Variants in NCR3 observed in about 807,000 individuals in gnomAD.
NCR3 encodes the protein natural cytotoxicity triggering receptor 3.
A neutral mutation model predicts 16.1 loss-of-function variants in NCR3; 13 were observed. The observed-to-expected ratio is 0.81, with a 90% confidence interval of 0.53 to 1.28. NCR3 has a LOEUF of 1.28. Ranked by LOEUF, NCR3 falls within the 50% of genes most tolerant of loss-of-function variation. NCR3 has a pLI of 0.00. For missense variants in NCR3, 202 were observed against 256.8 expected, an observed-to-expected ratio of 0.79 and a Z score of 1.46; for synonymous variants, 98 against 106.6, an observed-to-expected ratio of 0.92 and a Z score of 0.50.
At position 31,589,942 on chromosome 6, in the gene NCR3, G is replaced by A; in HGVS notation, c.228C>T (p.Arg76=). ...VRNGTPEFRG[R]LAPLASSRFL... The stretch of plus-strand genomic sequence containing the variant: ...AACGGGAAGAAGCAAGTGGGGCCAG[G>A]CGGCCCCTGAACTCTGGGGTTCCAT... Residue 76 remains arginine, a synonymous_variant, in exon 2 of 4, where the codon CGC becomes CGT. Coordinates refer to ENST00000340027, the MANE Select transcript of NCR3 (RefSeq NM_147130.3). This position sits in a 1 kb window ranked among gnomAD's most constrained non-coding sequence, Gnocchi z 4.8. The A allele has an allele frequency of 6.2e-7, 1 of 1,613,118 alleles. No homozygotes were observed. The highest frequency in any genetic ancestry group is 1.6e-4 in the Middle Eastern group (1 of 6,062).
chr6:31,591,275 T>C (rs1562507862), intron 1 of NCR3, among the ~76,000 whole-genome samples: 1 of 152,392 alleles, frequency 6.6e-6, no homozygotes, highest in Non-Finnish European at 1.5e-5. Context: ...TTAAAATCCC[T>C]GATTAAATTA....
In NCR3 at chr6:31,589,257, G is replaced by C; in HGVS notation, c.497-81C>G. 1 of 1,560,572 alleles carries C rather than the reference G, an allele frequency of 6.4e-7. No homozygotes were observed. The highest frequency in any genetic ancestry group is 8.7e-7 in the Non-Finnish European group (1 of 1,151,522). ...CTGGAGAATGGAGAAGAAAACACTTGAGACTCATGAGGAGTTAGTGGTGGG... is the reference window on the plus strand; with the variant it reads ...CTGGAGAATGGAGAAGAAAACACTTCAGACTCATGAGGAGTTAGTGGTGGG... On this transcript the variant is annotated intron_variant, in intron 3 of 3. Coordinates refer to ENST00000340027, the MANE Select transcript of NCR3 (RefSeq NM_147130.3). This position sits in a 1 kb window ranked among gnomAD's most constrained non-coding sequence, Gnocchi z 4.8.
intron 1 of NCR3, among the ~76,000 whole-genome samples, chr6:31,590,641 A>T (rs533648038): frequency 1.8e-4 from 27 of 152,208 alleles, no homozygotes; most frequent in African/African-American, 6.5e-4. Flanking sequence ...AATTCTTCCT[A>T]TACCAACTCT....
In NCR3 at chr6:31,589,074, C is replaced by G; in HGVS notation, c.599G>C (p.Gly200Ala). 1 of 1,585,740 alleles carries G rather than the reference C, an allele frequency of 6.3e-7. No individual in the cohort carries two copies. The highest frequency in any genetic ancestry group is 1.1e-5 in the South Asian group (1 of 87,100). Residue 200 changes from glycine to alanine, a missense_variant, in exon 4 of 4, where the codon GGA becomes GCA. By Grantham distance (60) the Gly-to-Ala change is moderately conservative. Coordinates refer to ENST00000340027, the MANE Select transcript of NCR3 (RefSeq NM_147130.3). This position sits in a 1 kb window ranked among gnomAD's most constrained non-coding sequence, Gnocchi z 4.8. Reference sequence around the variant, plus strand: ...TTCTCAGGACAATCAGGCTCAGCCTCCTGGGACTGGGGGAAGCAGATGTGC... The same window carrying G: ...TTCTCAGGACAATCAGGCTCAGCCTGCTGGGACTGGGGGAAGCAGATGTGC... ...SSAHLLPPVP[G>A]G
chr6:31,592,113 G>C lies in NCR3; in HGVS notation c.43+566C>G, dbSNP rs72502597. 7.4e-4 allele frequency among the ~76,000 whole-genome samples: 113 copies of C among 152,180 alleles called. 2 individuals carry two copies. In the East Asian group the frequency reaches 0.021, roughly 29 times the overall value. Reference sequence around the variant, plus strand: ...AAAAATACAAAAATTAGTTGGGTGTGGTGGTGCGCGCTTGTAATCCCAGCT... The same window carrying C: ...AAAAATACAAAAATTAGTTGGGTGTCGTGGTGCGCGCTTGTAATCCCAGCT... On this transcript the variant is annotated intron_variant, in intron 1 of 3. Coordinates refer to ENST00000340027, the MANE Select transcript of NCR3 (RefSeq NM_147130.3).
chr6:31,592,535 C>T (rs1772709355), intron 1 of NCR3, 144 bp downstream of exon 1: 6 of 785,402 alleles, frequency 7.6e-6, no homozygotes, highest in Non-Finnish European at 1.3e-5. Context: ...CACTGAGTGT[C>T]ACCTTTGGAG....
At chr6:31,590,157 C>A in intron 1 of NCR3, 31 bp from the exon 2 acceptor site, 3 of 1,555,272 alleles carry the variant, frequency 1.9e-6, no homozygotes, top group Non-Finnish European at 2.6e-6. Context: ...CAGAGAAACA[C>A]CTCCCCAGTT....
chr6:31,592,539 T>C, intron 1 of NCR3, 140 bp downstream of exon 1: 1 of 832,590 alleles, frequency 1.2e-6, no homozygotes, highest in Admixed American at 2.1e-5. Context: ...GAGTGTCACC[T>C]TTGGAGCAGT....
In NCR3 at chr6:31,589,896, C is replaced by T. The variant is rs774215092; in HGVS notation, c.274G>A (p.Glu92Lys). Residue 92 changes from glutamate (E) to lysine (K), a missense_variant, in exon 2 of 4, where the codon GAG becomes AAG. Transcript: ENST00000340027. This position sits in a 1 kb window ranked among gnomAD's most constrained non-coding sequence, Gnocchi z 4.8. ...SSRFLHDHQA[E>K]LHIRDVRGHD... is the part of the protein sequence containing the mutation. The stretch of plus-strand genomic sequence containing the variant: ...CCTCGCACGTCCCGGATGTGCAGCT[C>T]AGCCTGGTGGTCATGGAGGAAACGG... 3.0e-5 allele frequency: 48 copies of T among 1,613,060 alleles called. No homozygotes were observed. Among genetic ancestry groups the T allele is most frequent in the Non-Finnish European group, 3.7e-5 (44 of 1,180,056 alleles).
intron 1 of NCR3, among the ~76,000 whole-genome samples, chr6:31,591,328 T>C (rs1772618638): frequency 6.6e-6 from 1 of 152,242 alleles, no homozygotes; most frequent in Non-Finnish European, 1.5e-5. Flanking sequence ...TCAGTGGTTC[T>C]CAAACTTGAG....
rs570553048 is a variant in NCR3, at chr6:31,589,787, T to C, written c.383A>G (p.Glu128Gly). 1.2e-6 allele frequency: 2 copies of C among 1,609,398 alleles called. No individual in the cohort carries two copies. The highest frequency in any genetic ancestry group is 1.1e-5 in the South Asian group (1 of 90,916). ...ACCACCTCCCAGCATCTCACCTTTC[T>C]CCACCACCAGCCGAGTCCCATTCCC... ...GTGNGTRLVVEKEHPQLGAGT... is the reference protein window; with the variant it reads ...GTGNGTRLVVGKEHPQLGAGT... The change falls in exon 2 of 4, where the codon GAG (glutamate) becomes GGG (glycine). Residue 128 changes from glutamate to glycine, a missense_variant. Transcript: ENST00000340027. The surrounding 1 kb of genome is among the most constrained non-coding windows in gnomAD (Gnocchi z 4.8).
chr6:31,590,061 G>A lies in NCR3; in HGVS notation c.109C>T (p.Leu37=), dbSNP rs1772500942. 1 of 1,612,912 alleles carries A rather than the reference G, an allele frequency of 6.2e-7. No homozygotes were observed. The highest frequency in any genetic ancestry group is 1.3e-5 in the African/African-American group (1 of 74,928). The change falls in exon 2 of 4, where the codon CTG becomes TTG. Residue 37 remains leucine, a synonymous_variant. Coordinates refer to ENST00000340027, the MANE Select transcript of NCR3 (RefSeq NM_147130.3). ...TGGCTGGCATTGAAGGAGCAGGGCA[G>A]GAAGGCAGAGGATCCTTCCAGGGTA... ...IRTLEGSSAF[L]PCSFNASQGR...
At chr6:31,590,224 C>A in intron 1 of NCR3, 98 bp from the exon 2 acceptor site, 12 of 1,013,850 alleles carry the variant, frequency 1.2e-5, no homozygotes, top group Non-Finnish European at 1.7e-5. Flanking sequence ...TTTCTCCAGG[C>A]ATAGGGTGCA....
chr6:31,591,882 G>C (rs551347420), intron 1 of NCR3, among the ~76,000 whole-genome samples: 3 of 152,148 alleles, frequency 2.0e-5, no homozygotes, highest in East Asian at 3.9e-4. Context: ...TTGGGAGACC[G>C]AGGCAGGCAG....
In NCR3 at chr6:31,589,435, C is replaced by A; in HGVS notation, c.496+91G>T. The A allele has an allele frequency of 6.4e-7, 1 of 1,566,460 alleles. No individual in the cohort carries two copies. The highest frequency in any genetic ancestry group is 1.2e-5 in the South Asian group (1 of 86,092). ...GCTGCTCAGTGTTGCAGTCCCGAGG[C>A]TCTCCTCTTCCTGGTCTCTGTCCTC... On this transcript the variant is annotated intron_variant, in intron 3 of 3. Transcript: ENST00000340027. The surrounding 1 kb of genome is among the most constrained non-coding windows in gnomAD (Gnocchi z 4.8).
At chr6:31,590,255 G>A (rs1772520572) in intron 1 of NCR3, 129 bp from the exon 2 acceptor site, 2 of 591,906 alleles carry the variant, frequency 3.4e-6, no homozygotes, top group Non-Finnish European at 5.2e-6. Flanking sequence ...TACTTTGGGT[G>A]CCTCATTAAA....
chr6:31,590,516 C>T (rs550217848), intron 1 of NCR3, among the ~76,000 whole-genome samples: 2 of 152,080 alleles, frequency 1.3e-5, no homozygotes, highest in African/African-American at 2.4e-5. Context: ...GCAGGAGAAT[C>T]GCTTGAACCC....
rs1450435541 is a variant in NCR3, at chr6:31,592,747, G to C, written c.-26C>G. 6.2e-7 allele frequency: 1 copy of C among 1,612,802 alleles called. No individual in the cohort carries two copies. The highest frequency in any genetic ancestry group is 1.7e-5 in the Admixed American group (1 of 59,998). On this transcript the variant is annotated 5_prime_UTR_variant, in exon 1 of 4. Transcript: ENST00000340027. ...GTCGGAAGATGTCCCAGTTGGCGAA[G>C]GGGATCTGAGCAGTGAGGTCTGGGT... is the stretch of plus-strand genomic sequence containing the variant.
chr6:31,589,509 C>A lies in NCR3; in HGVS notation c.496+17G>T, dbSNP rs991179334. 4.3e-6 allele frequency: 7 copies of A among 1,613,720 alleles called. No homozygotes were observed. The Admixed American group carries it at 5.0e-5, about 12-fold the overall frequency. ...CCTCCCATCCCGTCCACTATTGCCC[C>A]TGGCTCCATTACTCACATTTGCCCT... On this transcript the variant is annotated intron_variant, in intron 3 of 3. Transcript: ENST00000340027. This position sits in a 1 kb window ranked among gnomAD's most constrained non-coding sequence, Gnocchi z 4.8.
Sources: allele counts gnomAD v4.1 joint callset (sites outside exome capture counted in the v4.1 genomes callset), GRCh38; gene constraint gnomAD v4.1.1; non-coding constraint Gnocchi (gnomAD v3.1); transcripts MANE v1.5; gene names NCBI Gene and HGNC (gene_info 2026-07-23, HGNC 2026-07-21).